Variants in ANO10 observed in about 807,000 individuals in gnomAD.
The protein encoded by ANO10 is anoctamin-10.
ANO10 carries 77 observed loss-of-function variants against 74.7 expected under a neutral mutation model. That is an observed-to-expected ratio of 1.03 (90% CI 0.86 to 1.25). ANO10 has a LOEUF of 1.25. Ranked by LOEUF, ANO10 falls within the 50% of genes most tolerant of loss-of-function variation. The pLI is 0.00. For synonymous variants in ANO10, 279 were observed against 284.9 expected (o/e 0.98, Z 0.21); for missense variants, 721 against 778.1 (o/e 0.93, Z 0.87).
At chr3:43,500,372 T>C (rs904231339) in intron 11 of ANO10, among the ~76,000 whole-genome samples, 3 of 152,162 alleles carry the variant, frequency 2.0e-5, no homozygotes, top group Non-Finnish European at 4.4e-5. Flanking sequence ...CTTTTTCTGA[T>C]CTTATCAAAA....
At chr3:43,549,933 G>A (rs2149308346) in intron 10 of ANO10, 85 bp from the exon 11 acceptor site, 1 of 1,492,962 alleles carries the variant, frequency 6.7e-7, no homozygotes, top group South Asian at 1.2e-5. Flanking sequence ...TAAAAATCAA[G>A]GAAAATGTCT....
rs2091424198 is a variant in ANO10 at position 43,366,789 on chromosome 3, A to C, written c.*117T>G. On this transcript the variant is annotated 3_prime_UTR_variant, in exon 13 of 13. Transcript: ENST00000292246. ...ACATGGGAGCCACTTCGTTTGGCTA[A>C]GCATTGGGTCTGGGTTCAGGAGCCA... The C allele has an allele frequency of 2.8e-6, 3 of 1,069,972 alleles. No homozygotes were observed. Among genetic ancestry groups the C allele is most frequent in the African/African-American group, 3.1e-5 (2 of 63,504 alleles). The allele number at this position is 1,069,972 out of a possible 1,614,324, so 66.3% of individuals were successfully genotyped here. A position where few individuals can be genotyped will look rare whatever the true frequency, so the allele number is the denominator to read the frequency against.
chr3:43,604,806 A>C (rs887024272), intron 2 of ANO10, among the ~76,000 whole-genome samples: 2 of 152,114 alleles, frequency 1.3e-5, no homozygotes, highest in African/African-American at 4.8e-5. Context: ...AAATCACAAA[A>C]ATTTTAAAGA....
chr3:43,589,390 T>C (rs1247362846), intron 4 of ANO10, among the ~76,000 whole-genome samples: 1 of 151,952 alleles, frequency 6.6e-6, no homozygotes, highest in African/African-American at 2.4e-5. Context: ...CATTCCTTTA[T>C]GAACTGAAGC....
chr3:43,525,426 A>C (rs926871902), intron 11 of ANO10, among the ~76,000 whole-genome samples: 59 of 152,128 alleles, frequency 3.9e-4, no homozygotes, highest in Non-Finnish European at 8.5e-4. Context: ...TATCTGCATG[A>C]CTATCTGGTG....
At chr3:43,536,384 G>A (rs543350331) in intron 11 of ANO10, among the ~76,000 whole-genome samples, 219 of 152,222 alleles carry the variant, frequency 1.4e-3, no homozygotes, top group African/African-American at 5.0e-3. Flanking sequence ...CCCTCAAAAC[G>A]GTTAGCAGCA....
chr3:43,447,928 T>C (rs1320928271), intron 11 of ANO10, among the ~76,000 whole-genome samples: 1 of 152,216 alleles, frequency 6.6e-6, no homozygotes, highest in African/African-American at 2.4e-5. Flanking sequence ...ATGGCTTGAA[T>C]TTCTGTGTCC....
At chr3:43,518,004 T>C (rs1564614) in intron 11 of ANO10, among the ~76,000 whole-genome samples, 2,230 of 152,274 alleles carry the variant, frequency 0.015, 143 homozygotes, top group Admixed American at 0.11. Context: ...GATTGTTTTG[T>C]GAAAAAATGC....
At chr3:43,691,095 G>A in intron 1 of ANO10, 2 of 1,489,752 alleles carry the variant, frequency 1.3e-6, no homozygotes, top group Admixed American at 2.2e-5. Context: ...CTCCGCGCGG[G>A]CCGGGTTAGG....
chr3:43,407,121 C>A (rs1208544601), intron 12 of ANO10, among the ~76,000 whole-genome samples: 1 of 152,166 alleles, frequency 6.6e-6, no homozygotes, highest in Non-Finnish European at 1.5e-5. Context: ...CCAGGCTGGT[C>A]TGGAACTCTT....
chr3:43,474,751 T>G (rs904524934), intron 11 of ANO10, among the ~76,000 whole-genome samples: 1 of 152,206 alleles, frequency 6.6e-6, no homozygotes, highest in Non-Finnish European at 1.5e-5. Context: ...CATTACAGAT[T>G]CAAGTTGCCA....
chr3:43,629,205 A>G (rs763807093), intron 1 of ANO10, among the ~76,000 whole-genome samples: 6 of 152,086 alleles, frequency 3.9e-5, no homozygotes, highest in Admixed American at 1.3e-4. Flanking sequence ...AAAAGAACCT[A>G]TGTGACTATC....
At chr3:43,368,381 T>C (rs907138879) in intron 12 of ANO10, among the ~76,000 whole-genome samples, 3 of 152,276 alleles carry the variant, frequency 2.0e-5, no homozygotes, top group East Asian at 1.9e-4. Flanking sequence ...CCCAGGGACA[T>C]GCCCTGTCCA....
chr3:43,628,359 A>G (rs1361065889), intron 1 of ANO10, among the ~76,000 whole-genome samples: 1 of 152,190 alleles, frequency 6.6e-6, no homozygotes, highest in Non-Finnish European at 1.5e-5. Context: ...TTCCCCAGTC[A>G]ATACCCTTGT....
chr3:43,649,968 G>A (rs1223827323), intron 1 of ANO10, among the ~76,000 whole-genome samples: 1 of 152,226 alleles, frequency 6.6e-6, no homozygotes, highest in East Asian at 1.9e-4. Context: ...GAGGGTGTGT[G>A]CTACAGTGCA....
chr3:43,399,217 G>GT (rs2092437536), intron 12 of ANO10, among the ~76,000 whole-genome samples: 1 of 152,174 alleles, frequency 6.6e-6, no homozygotes, highest in Non-Finnish European at 1.5e-5. Flanking sequence ...AATGTTAGCT[G>GT]TTACTATTAT....
At chr3:43,497,933 G>T (rs776203676) in intron 11 of ANO10, among the ~76,000 whole-genome samples, 1 of 152,150 alleles carries the variant, frequency 6.6e-6, no homozygotes, top group Non-Finnish European at 1.5e-5. Flanking sequence ...ACCTGAGAGT[G>T]GAACTCATGC....
rs1264624583 is a variant in ANO10, at chr3:43,638,835, CCA to C, written c.-11-32974_-11-32973del. The C allele has an allele frequency of 2.0e-5, 3 of 152,362 alleles. 1 individual carries two copies. Among genetic ancestry groups the C allele is most frequent in the Non-Finnish European group, 4.4e-5 (3 of 68,044 alleles). The allele number at this position is 152,362 out of a possible 1,614,324, so 9.4% of individuals were successfully genotyped here. ...GCTCCCAGATATAGCAGCCTAAAAA[CCA>C]CAGAGTCATTATGTCACTCAGTTTC... On this transcript the variant is annotated intron_variant, in intron 1 of 3. Transcript: ENST00000413397.
intron 9 of ANO10, among the ~76,000 whole-genome samples, 194 bp downstream of exon 9, chr3:43,561,026 G>A (rs1210195295): frequency 6.6e-6 from 1 of 152,194 alleles, no homozygotes; most frequent in Non-Finnish European, 1.5e-5. Flanking sequence ...CGTAACTTTA[G>A]ATTTCAGACA....
Sources: gnomAD v4.1 joint callset for allele counts (sites outside exome capture counted in the v4.1 genomes callset) on GRCh38, gnomAD v4.1.1 for gene constraint, MANE v1.5 for transcripts, NCBI Gene and HGNC (gene_info 2026-07-23, HGNC 2026-07-21) for gene names.